Variants in GRIN2B observed in about 807,000 individuals in gnomAD.
The protein encoded by GRIN2B is glutamate receptor ionotropic, NMDA 2B.
A neutral mutation model predicts 114.5 loss-of-function variants in GRIN2B; 5 were observed. The ratio of observed to expected loss-of-function variants is 0.04; its 90% CI spans 0.02 to 0.09. The LOEUF is 0.09. Among genes scored for constraint, GRIN2B ranks in the 10% least tolerant of loss-of-function variants. The probability of loss-of-function intolerance (pLI) is 1.00; values close to 1 mark genes in which losing one functional copy is unlikely to be tolerated. For synonymous variants in GRIN2B, 787 were observed against 745.1 expected, an observed-to-expected ratio of 1.06 and a Z score of -0.92; for missense variants, 1,108 against 1,943.5, an observed-to-expected ratio of 0.57 and a Z score of 8.08.
chr12:13,927,831 G>A (rs1338898386), intron 2 of GRIN2B, among the ~76,000 whole-genome samples: 1 of 151,712 alleles, frequency 6.6e-6, no homozygotes, highest in Non-Finnish European at 1.5e-5. Flanking sequence ...GCTGGGTGTT[G>A]TGGTACATGC....
chr12:13,728,773 T>A (rs1863035260), intron 4 of GRIN2B, among the ~76,000 whole-genome samples: 3 of 152,180 alleles, frequency 2.0e-5, no homozygotes, highest in Non-Finnish European at 4.4e-5. Context: ...AGAGGGAGTA[T>A]AATTTGCTAT....
chr12:13,732,717 T>C lies in GRIN2B; in HGVS notation c.1010+20600A>G, dbSNP rs181967180. 1.5e-3 allele frequency among the ~76,000 whole-genome samples: 236 copies of C among 152,356 alleles called. 1 individual carries two copies. Among genetic ancestry groups the C allele is most frequent in the Non-Finnish European group, 1.3e-3 (91 of 68,032 alleles). ...ATTGTGTTATCCTTCACAGTGAGTA[T>C]AGCTCTTTGCAAAGTAGGTACTTTA... On this transcript the variant is annotated intron_variant, in intron 4 of 13. Coordinates refer to ENST00000609686, the MANE Select transcript of GRIN2B (RefSeq NM_000834.5).
intron 2 of GRIN2B, among the ~76,000 whole-genome samples, chr12:13,955,464 T>A (rs1022914128): frequency 6.6e-6 from 1 of 152,224 alleles, no homozygotes; most frequent in Non-Finnish European, 1.5e-5. Context: ...TAAATCATTA[T>A]GTTGGCTCTA....
intron 3 of GRIN2B, among the ~76,000 whole-genome samples, chr12:13,807,553 T>C (rs1025263457): frequency 2.6e-5 from 4 of 152,022 alleles, no homozygotes; most frequent in African/African-American, 9.7e-5. Flanking sequence ...TTTGCCTCAA[T>C]TGCAATCAGC....
At chr12:13,623,929 A>G (rs748332861) in intron 5 of GRIN2B, among the ~76,000 whole-genome samples, 2 of 152,156 alleles carry the variant, frequency 1.3e-5, no homozygotes, top group Non-Finnish European at 1.5e-5. Flanking sequence ...CATGTGACAG[A>G]GATGCCGTTT....
At position 13,925,897 on chromosome 12, in the gene GRIN2B, C is replaced by G. The variant is rs1286182374; in HGVS notation, c.-19+54031G>C. Among the ~76,000 whole-genome samples, 6 of 152,238 alleles carry G rather than the reference C, an allele frequency of 3.9e-5. No homozygotes were observed. The South Asian group carries it at 6.2e-4, about 16-fold the overall frequency. On this transcript the variant is annotated intron_variant, in intron 2 of 13. Coordinates refer to ENST00000609686, the MANE Select transcript of GRIN2B (RefSeq NM_000834.5). ...CTTTTACATTAATCCATTAACTCTT[C>G]TTTTCTCGTCATTCTTTCCAGACTA...
chr12:13,576,611 A>G (rs1948781347), intron 10 of GRIN2B, among the ~76,000 whole-genome samples: 1 of 151,018 alleles, frequency 6.6e-6, no homozygotes, highest in Admixed American at 6.6e-5. Flanking sequence ...CAGTGTTGCG[A>G]TCTTGGCTCA....
intron 3 of GRIN2B, among the ~76,000 whole-genome samples, chr12:13,864,398 T>A (rs1159120188): frequency 6.6e-6 from 1 of 152,168 alleles, no homozygotes; most frequent in African/African-American, 2.4e-5. Context: ...TTACAAACAT[T>A]ATTAACCCGA....
chr12:13,579,216 G>T (rs1948813608), intron 10 of GRIN2B, among the ~76,000 whole-genome samples: 1 of 152,208 alleles, frequency 6.6e-6, no homozygotes, highest in Non-Finnish European at 1.5e-5. Flanking sequence ...TAGCAGGTAT[G>T]GCCATGGTGA....
chr12:13,670,758 G>A (rs1331236840), intron 5 of GRIN2B, among the ~76,000 whole-genome samples: 5 of 151,998 alleles, frequency 3.3e-5, no homozygotes, highest in African/African-American at 9.7e-5. Flanking sequence ...GCATGCATAT[G>A]TGTGTGTAAA....
intron 3 of GRIN2B, among the ~76,000 whole-genome samples, chr12:13,842,037 T>C (rs1158541606): frequency 1.3e-5 from 2 of 152,176 alleles, no homozygotes; most frequent in African/African-American, 4.8e-5. Context: ...ATAGAGGCTG[T>C]GTGCCTGGAA....
At chr12:13,764,458 G>A (rs954432353) in intron 3 of GRIN2B, among the ~76,000 whole-genome samples, 34 of 152,232 alleles carry the variant, frequency 2.2e-4, no homozygotes, top group East Asian at 7.7e-4. Context: ...GGCTAACACC[G>A]TTGGCCCAAA....
At chr12:13,670,206 A>G (rs1262491627) in intron 5 of GRIN2B, 1 of 151,728 alleles carries the variant, frequency 6.6e-6, no homozygotes, top group African/African-American at 2.4e-5. Context: ...AAAGCCATAG[A>G]TGGAAACAGG....
At chr12:13,761,830 T>C (rs182482128) in intron 3 of GRIN2B, among the ~76,000 whole-genome samples, 2 of 152,144 alleles carry the variant, frequency 1.3e-5, no homozygotes, top group Admixed American at 6.5e-5. Context: ...AAAAATGAAA[T>C]GAATAGAGAA....
intron 5 of GRIN2B, among the ~76,000 whole-genome samples, chr12:13,619,566 G>C (rs901688121): frequency 2.0e-5 from 3 of 152,188 alleles, no homozygotes; most frequent in Non-Finnish European, 4.4e-5. Context: ...TACCAAGTTA[G>C]CTGGGTAATA....
At chr12:13,895,073 T>C (rs1866331615) in intron 2 of GRIN2B, among the ~76,000 whole-genome samples, 1 of 152,216 alleles carries the variant, frequency 6.6e-6, no homozygotes, top group Non-Finnish European at 1.5e-5. Context: ...TGTGAATGTG[T>C]GCACATTGTG....
rs1301445719 is a variant in GRIN2B at position 13,542,553 on chromosome 12, G to C, written c.*20230C>G. On this transcript the variant is annotated 3_prime_UTR_variant, in exon 14 of 14. Coordinates refer to ENST00000609686, the MANE Select transcript of GRIN2B (RefSeq NM_000834.5). ...GTGCTGCCATCAAGTCCCTGCCCCG[G>C]GCACTTGCAGCATCACCACCTCAAT... is the stretch of plus-strand genomic sequence containing the variant. 1 of 152,080 alleles carries C rather than the reference G, an allele frequency of 6.6e-6. No individual in the cohort carries two copies. Among genetic ancestry groups the C allele is most frequent in the Non-Finnish European group, 1.5e-5 (1 of 68,014 alleles). The allele number at this position is 152,080 out of a possible 1,614,324, so 9.4% of individuals were successfully genotyped here. A position where few individuals can be genotyped will look rare whatever the true frequency, so the allele number is the denominator to read the frequency against.
intron 10 of GRIN2B, among the ~76,000 whole-genome samples, chr12:13,591,264 G>A (rs980816781): frequency 1.3e-5 from 2 of 152,182 alleles, no homozygotes; most frequent in South Asian, 4.1e-4. Context: ...GGGTGTATTT[G>A]TAGCAGTTTG....
rs1301734356 is a variant in GRIN2B at position 13,557,180 on chromosome 12, T to G, written c.*5603A>C. 1 of 152,180 alleles carries G rather than the reference T, an allele frequency of 6.6e-6. No homozygotes were observed. Among genetic ancestry groups the G allele is most frequent in the African/African-American group, 2.4e-5 (1 of 41,440 alleles). 9.4% of individuals were successfully genotyped at this position (152,180 alleles called of 1,614,324 possible). On this transcript the variant is annotated 3_prime_UTR_variant, in exon 14 of 14. Coordinates refer to ENST00000609686, the MANE Select transcript of GRIN2B (RefSeq NM_000834.5). ...GATATCCTATGATTTTATACAATAC[T>G]GCAACCCCACCCCCCAAACTAGAAT...
Sources: gnomAD v4.1 joint callset for allele counts (sites outside exome capture counted in the v4.1 genomes callset) on GRCh38, gnomAD v4.1.1 for gene constraint, MANE v1.5 for transcripts, NCBI Gene and HGNC (gene_info 2026-07-23, HGNC 2026-07-21) for gene names.